Variants in RPS6KC1 observed in about 807,000 individuals in gnomAD.
RPS6KC1 encodes the protein ribosomal protein S6 kinase C1.
In RPS6KC1, 54 loss-of-function variants were observed where a neutral mutation model predicts 103.8. That is an observed-to-expected ratio of 0.52 (90% confidence interval 0.42 to 0.65). The LOEUF (loss-of-function observed/expected upper bound fraction) is 0.65. Ranked by LOEUF, RPS6KC1 falls within the 30% of genes least tolerant of loss-of-function variation. RPS6KC1 has a pLI of 0.00. For missense variants in RPS6KC1, 1,151 were observed against 1,253.8 expected (o/e 0.92, Z 1.24); for synonymous variants, 439 against 438.7 (o/e 1.00, Z -0.01).
At chr1:213,067,415 C>T (rs150927584) in intron 1 of RPS6KC1, among the ~76,000 whole-genome samples, 39 of 152,252 alleles carry the variant, frequency 2.6e-4, no homozygotes, top group African/African-American at 9.4e-4. Context: ...CCATGTTTAT[C>T]CAAAAAAACT....
chr1:213,674,000 T>C, the RPS6KC1 span, among the ~76,000 whole-genome samples: 5 of 152,088 alleles, frequency 3.3e-5, no homozygotes, highest in Non-Finnish European at 7.4e-5. Flanking sequence ...CTACCCCTTC[T>C]GGCAGCCCCC....
In RPS6KC1 at chr1:213,131,053, AG is replaced by A. The variant is rs542856606; in HGVS notation, c.835+1167del. Among the ~76,000 whole-genome samples, 118 of 152,108 alleles carry A rather than the reference AG, an allele frequency of 7.8e-4. 1 individual carries two copies. In the South Asian group the frequency reaches 8.7e-3, roughly 11 times the overall value. Reference sequence around the variant, plus strand: ...ACTGCCATGTTAATAGAGTTTCTGGAGGGAGAATAGCTAAAGAAATGTGTTC... The same window carrying A: ...ACTGCCATGTTAATAGAGTTTCTGGAGGAGAATAGCTAAAGAAATGTGTTC... On this transcript the variant is annotated intron_variant, in intron 6 of 14. Transcript: ENST00000366960.
At chr1:213,525,347 A>G in the RPS6KC1 span, among the ~76,000 whole-genome samples, 2 of 152,314 alleles carry the variant, frequency 1.3e-5, no homozygotes, top group African/African-American at 4.8e-5. Context: ...AATCAGAAGG[A>G]TGGAGTTGCC....
chr1:213,293,282 A>AT, the RPS6KC1 span, among the ~76,000 whole-genome samples: 6 of 152,098 alleles, frequency 3.9e-5, 1 homozygote, highest in South Asian at 4.1e-4. Context: ...TGTGTGATGG[A>AT]TTTTTTTTAA....
the RPS6KC1 span, among the ~76,000 whole-genome samples, chr1:213,777,775 TC>T: frequency 6.6e-6 from 1 of 152,222 alleles, no homozygotes. Flanking sequence ...TTTTAATTTT[TC>T]AAATGAAGTA....
the RPS6KC1 span, among the ~76,000 whole-genome samples, chr1:213,372,758 A>G: frequency 1.3e-5 from 2 of 152,110 alleles, no homozygotes. Context: ...GGGACCATCC[A>G]TCTATCGCTC....
the RPS6KC1 span, among the ~76,000 whole-genome samples, chr1:213,340,260 A>G: frequency 3.3e-5 from 5 of 152,338 alleles, no homozygotes; most frequent in African/African-American, 1.2e-4. Flanking sequence ...TGAGAAACTC[A>G]TAATGAGGCT....
chr1:213,298,006 A>G, the RPS6KC1 span, among the ~76,000 whole-genome samples: 2 of 152,290 alleles, frequency 1.3e-5, no homozygotes, highest in East Asian at 3.9e-4. Flanking sequence ...TGCATTAGTC[A>G]TCTCCATTGA....
the RPS6KC1 span, among the ~76,000 whole-genome samples, chr1:213,706,088 T>C: frequency 6.6e-6 from 1 of 152,184 alleles, no homozygotes; most frequent in Non-Finnish European, 1.5e-5. Flanking sequence ...TTAGCCTTCC[T>C]GGCTGATGTC....
intron 11 of RPS6KC1, 112 bp downstream of exon 11, chr1:213,242,409 T>C: frequency 6.1e-6 from 8 of 1,301,042 alleles, no homozygotes; most frequent in Non-Finnish European, 8.8e-6. Context: ...AGCTTCATTA[T>C]CAGTGCAGCA....
the RPS6KC1 span, among the ~76,000 whole-genome samples, chr1:213,629,548 C>G: frequency 2.0e-5 from 3 of 152,264 alleles, no homozygotes; most frequent in East Asian, 5.8e-4. Context: ...ATTTGCCAGT[C>G]TGTGTCTTTT....
the RPS6KC1 span, among the ~76,000 whole-genome samples, chr1:213,506,676 G>C: frequency 8.5e-5 from 13 of 152,176 alleles, no homozygotes; most frequent in African/African-American, 2.9e-4. Flanking sequence ...CAGAGATGGA[G>C]GGAGATCTGA....
intron 5 of RPS6KC1, among the ~76,000 whole-genome samples, chr1:213,119,695 C>T (rs1018383937): frequency 6.6e-6 from 1 of 151,740 alleles, no homozygotes; most frequent in African/African-American, 2.4e-5. Flanking sequence ...TAGTATAAGG[C>T]AATCATGGAT....
chr1:213,717,970 C>T, the RPS6KC1 span, among the ~76,000 whole-genome samples: 1 of 152,192 alleles, frequency 6.6e-6, no homozygotes, highest in East Asian at 1.9e-4. Context: ...CCTACTCTGC[C>T]GTCTTTTCAC....
chr1:213,416,381 T>C, the RPS6KC1 span, among the ~76,000 whole-genome samples: 5 of 152,250 alleles, frequency 3.3e-5, no homozygotes, highest in South Asian at 6.2e-4. Flanking sequence ...GAATTGGACA[T>C]TGGAGAATGC....
chr1:213,775,470 TG>T, the RPS6KC1 span, among the ~76,000 whole-genome samples: 19 of 152,202 alleles, frequency 1.2e-4, no homozygotes, highest in Non-Finnish European at 1.5e-5. Context: ...CACAATTTTT[TG>T]GTTTCTTGGT....
At chr1:213,515,743 G>A in the RPS6KC1 span, among the ~76,000 whole-genome samples, 2 of 152,160 alleles carry the variant, frequency 1.3e-5, no homozygotes, top group African/African-American at 4.8e-5. Context: ...GAACTTTAAA[G>A]TAGTTTTTTT....
chr1:213,667,659 C>CT, the RPS6KC1 span, among the ~76,000 whole-genome samples: 101 of 152,216 alleles, frequency 6.6e-4, no homozygotes, highest in African/African-American at 2.3e-3. Flanking sequence ...TCTATTGACT[C>CT]TGTCTTTCAC....
At chr1:213,698,556 T>C in the RPS6KC1 span, among the ~76,000 whole-genome samples, 1 of 152,186 alleles carries the variant, frequency 6.6e-6, no homozygotes, top group African/African-American at 2.4e-5. Flanking sequence ...CTCACTAAAG[T>C]AGTCTCAATC....
Sources: gnomAD v4.1 joint callset for allele counts (sites outside exome capture counted in the v4.1 genomes callset) on GRCh38, gnomAD v4.1.1 for gene constraint, MANE v1.5 for transcripts, NCBI Gene and HGNC (gene_info 2026-07-23, HGNC 2026-07-21) for gene names.